Variants in HMGCLL1 observed in about 807,000 individuals in gnomAD.
The protein encoded by HMGCLL1 is 3-hydroxy-3-methylglutaryl-CoA lyase like 1.
A neutral mutation model predicts 39.1 loss-of-function variants in HMGCLL1; 36 were observed. The ratio of observed to expected loss-of-function variants is 0.92; its 90% CI spans 0.71 to 1.22. The LOEUF (loss-of-function observed/expected upper bound fraction) is 1.22. Among genes scored for constraint, HMGCLL1 ranks in the 50% most tolerant of loss-of-function variants. HMGCLL1 has a pLI of 0.00. For synonymous variants in HMGCLL1, 149 were observed against 144.0 expected, an observed-to-expected ratio of 1.03 and a Z score of -0.25; for missense variants, 451 against 416.5, an observed-to-expected ratio of 1.08 and a Z score of -0.72.
intron 3 of HMGCLL1, among the ~76,000 whole-genome samples, chr6:55,534,405 G>T (rs185951936): frequency 3.9e-4 from 59 of 152,138 alleles, no homozygotes; most frequent in African/African-American, 1.3e-3. Context: ...TCAACTAATA[G>T]CTTATGAAAA....
At chr6:55,536,350 C>G (rs1238777608) in intron 3 of HMGCLL1, among the ~76,000 whole-genome samples, 1 of 152,030 alleles carries the variant, frequency 6.6e-6, no homozygotes, top group Non-Finnish European at 1.5e-5. Flanking sequence ...CATAAATGTA[C>G]AATGTTATGT....
At chr6:55,515,082 G>A (rs770519467) in intron 4 of HMGCLL1, among the ~76,000 whole-genome samples, 3 of 151,842 alleles carry the variant, frequency 2.0e-5, no homozygotes, top group African/African-American at 7.3e-5. Context: ...GTGAAACCCC[G>A]TCTCTACTAA....
the HMGCLL1 span, among the ~76,000 whole-genome samples, chr6:55,642,941 T>A: frequency 6.6e-6 from 1 of 152,212 alleles, no homozygotes; most frequent in Admixed American, 6.6e-5. Context: ...GGCCTCCAGC[T>A]CCATCCACGT....
chr6:55,622,215 A>C, the HMGCLL1 span, among the ~76,000 whole-genome samples: 38 of 152,244 alleles, frequency 2.5e-4, no homozygotes, highest in Middle Eastern at 0.014. Context: ...GTCATCTACA[A>C]ACAAGGATAA....
At chr6:55,642,243 A>C in the HMGCLL1 span, among the ~76,000 whole-genome samples, 4 of 149,720 alleles carry the variant, frequency 2.7e-5, no homozygotes, top group African/African-American at 9.9e-5. Flanking sequence ...CGAACTCATC[A>C]TTTTTTATGG....
At chr6:55,626,143 C>T in the HMGCLL1 span, among the ~76,000 whole-genome samples, 1 of 152,132 alleles carries the variant, frequency 6.6e-6, no homozygotes, top group Admixed American at 6.5e-5. Flanking sequence ...AGCCAGCTAC[C>T]TGATGGCGTG....
chr6:55,587,858 C>T, the HMGCLL1 span, among the ~76,000 whole-genome samples: 1 of 152,096 alleles, frequency 6.6e-6, no homozygotes, highest in Non-Finnish European at 1.5e-5. Flanking sequence ...AGCTAACTAT[C>T]CTAAATATAT....
chr6:55,591,736 C>G, the HMGCLL1 span, among the ~76,000 whole-genome samples: 1 of 150,040 alleles, frequency 6.7e-6, no homozygotes, highest in South Asian at 2.1e-4. Flanking sequence ...CCAAAAGTTT[C>G]CCAGAGTTCC....
In HMGCLL1 at chr6:55,542,067, T is replaced by A. The variant is rs780358456; in HGVS notation, c.182A>T (p.Asn61Ile). 6.3e-7 allele frequency: 1 copy of A among 1,596,404 alleles called. No individual in the cohort carries two copies. The highest frequency in any genetic ancestry group is 8.6e-7 in the Non-Finnish European group (1 of 1,165,642). Residue 61 changes from asparagine (N) to isoleucine (I), a missense_variant, in exon 2 of 9, where the codon AAT (asparagine) becomes ATT (isoleucine). Transcript: ENST00000274901. Reference protein sequence around the residue: ...VEVGPRDGLQNEKVIVPTDIK... With the variant: ...VEVGPRDGLQIEKVIVPTDIK... Reference sequence around the variant, plus strand: ...TAAATGATGTAAAACTACCTTTTCATTCTGCAATCCATCCCTAGGCCCAAC... The same window carrying A: ...TAAATGATGTAAAACTACCTTTTCAATCTGCAATCCATCCCTAGGCCCAAC...
the HMGCLL1 span, among the ~76,000 whole-genome samples, chr6:55,590,530 C>A: frequency 6.6e-6 from 1 of 152,030 alleles, no homozygotes; most frequent in Non-Finnish European, 1.5e-5. Flanking sequence ...GCAATGGCAA[C>A]AAAAGCCAAA....
chr6:55,486,789 T>C (rs1247920352), intron 7 of HMGCLL1, among the ~76,000 whole-genome samples: 1 of 152,082 alleles, frequency 6.6e-6, no homozygotes, highest in Non-Finnish European at 1.5e-5. Flanking sequence ...AGCAGGGTGG[T>C]TTATAAATAA....
chr6:55,581,927 G>C (rs145955994), upstream of HMGCLL1, among the ~76,000 whole-genome samples: 32 of 152,154 alleles, frequency 2.1e-4, no homozygotes, highest in African/African-American at 6.7e-4. Flanking sequence ...ATGTACAAAA[G>C]CATTCAATTC....
chr6:55,640,655 T>C, the HMGCLL1 span, among the ~76,000 whole-genome samples: 1 of 151,852 alleles, frequency 6.6e-6, no homozygotes, highest in African/African-American at 2.4e-5. Flanking sequence ...TGATATTGTA[T>C]CACCATTGTA....
At chr6:55,637,443 C>G in the HMGCLL1 span, among the ~76,000 whole-genome samples, 2 of 151,104 alleles carry the variant, frequency 1.3e-5, no homozygotes, top group African/African-American at 4.9e-5. Context: ...AAAAATTGGT[C>G]TGTTTTGGGA....
the HMGCLL1 span, among the ~76,000 whole-genome samples, chr6:55,628,866 C>T: frequency 6.6e-6 from 1 of 152,210 alleles, no homozygotes; most frequent in Middle Eastern, 3.4e-3. Flanking sequence ...TTGACTTGTT[C>T]CTCTTTGTCT....
intron 1 of HMGCLL1, among the ~76,000 whole-genome samples, chr6:55,573,990 T>G (rs1771642746): frequency 1.3e-5 from 2 of 152,116 alleles, no homozygotes. Context: ...CTGATTTTAT[T>G]GTAACTGGCT....
At chr6:55,451,848 C>G (rs1764100463) in intron 7 of HMGCLL1, among the ~76,000 whole-genome samples, 1 of 152,054 alleles carries the variant, frequency 6.6e-6, no homozygotes, top group South Asian at 2.1e-4. Context: ...TATTAATAAG[C>G]TAGTGATGGC....
the HMGCLL1 span, among the ~76,000 whole-genome samples, chr6:55,644,151 G>T: frequency 1.6e-4 from 24 of 152,156 alleles, no homozygotes; most frequent in Middle Eastern, 3.4e-3. Context: ...TTTCTCTGAA[G>T]ATCAGTGATG....
chr6:55,454,731 T>C (rs1764249279), intron 7 of HMGCLL1, among the ~76,000 whole-genome samples: 1 of 152,138 alleles, frequency 6.6e-6, no homozygotes. Flanking sequence ...GGATGATACT[T>C]AAGCCCTCTT....
Sources: gnomAD v4.1 joint callset for allele counts (sites outside exome capture counted in the v4.1 genomes callset) on GRCh38, gnomAD v4.1.1 for gene constraint, MANE v1.5 for transcripts, NCBI Gene and HGNC (gene_info 2026-07-23, HGNC 2026-07-21) for gene names.